FAM13B: variants seen among roughly 807,000 people sequenced by gnomAD.
FAM13B encodes the protein family with sequence similarity 13 member B.
A neutral mutation model predicts 117.3 loss-of-function variants in FAM13B; 60 were observed. The ratio of observed to expected loss-of-function variants is 0.51; its 90% CI spans 0.42 to 0.63. The LOEUF is 0.63. Ranked by LOEUF, FAM13B falls within the 30% of genes least tolerant of loss-of-function variation. The probability of loss-of-function intolerance (pLI) is 0.00; values close to 1 mark genes in which losing one functional copy is unlikely to be tolerated. For synonymous variants in FAM13B, 332 were observed against 356.1 expected (o/e 0.93, Z 0.76); for missense variants, 972 against 1,091.9 (o/e 0.89, Z 1.55).
At chr5:137,959,943 C>CTTAT (rs1260862510) in intron 12 of FAM13B, among the ~76,000 whole-genome samples, 180 bp from the exon 13 acceptor site, 1 of 152,152 alleles carries the variant, frequency 6.6e-6, no homozygotes. Context: ...TAGAATATGT[C>CTTAT]TTATTGGAAG....
rs143136507 is a variant in FAM13B at position 137,977,707 on chromosome 5, A to G, written c.1179+7550T>C. 4.2e-3 allele frequency among the ~76,000 whole-genome samples: 644 copies of G among 152,214 alleles called. 15 individuals carry two copies. In the East Asian group the frequency reaches 0.052, roughly 12 times the overall value. ...TCTTTCCTTTTAATTTCAATGCAAA[A>G]CTTGTGCAAAAGGCATTCCACACAC... is the stretch of plus-strand genomic sequence containing the variant. On this transcript the variant is annotated intron_variant, in intron 10 of 23. Coordinates refer to ENST00000689681, the MANE Select transcript of FAM13B (RefSeq NM_001385994.1).
At chr5:138,034,995 C>CTTTTT (rs557807234), upstream of FAM13B, among the ~76,000 whole-genome samples, 237 of 34,372 alleles carry the variant, frequency 6.9e-3, 64 homozygotes, top group African/African-American at 0.024. Context: ...ATTCCCTTGC[C>CTTTTT]TTTTTTTTTT....
At chr5:137,969,537 C>CT (rs1771333358) in intron 10 of FAM13B, among the ~76,000 whole-genome samples, 1 of 152,186 alleles carries the variant, frequency 6.6e-6, no homozygotes, top group African/African-American at 2.4e-5. Context: ...ACTGGAAACT[C>CT]TAAAAAGCAG....
chr5:137,957,831 T>C (rs768443228), intron 13 of FAM13B, among the ~76,000 whole-genome samples: 1 of 152,122 alleles, frequency 6.6e-6, no homozygotes, highest in Non-Finnish European at 1.5e-5. Context: ...ACAGGTTACC[T>C]CCTTTATCTA....
chr5:137,949,731 C>T (rs758301897), intron 17 of FAM13B, among the ~76,000 whole-genome samples: 2 of 150,876 alleles, frequency 1.3e-5, no homozygotes, highest in African/African-American at 2.4e-5. Context: ...ATCCAGAAGG[C>T]GGAGGTTGCA....
intron 10 of FAM13B, among the ~76,000 whole-genome samples, chr5:137,975,819 G>GTT (rs796616691): frequency 1.4e-5 from 2 of 144,292 alleles, no homozygotes; most frequent in East Asian, 2.0e-4. Context: ...ACTACCCTGG[G>GTT]TTTTTTTTTT....
Position 138,018,331 on chromosome 5 carries a change from A to G in FAM13B, c.341T>C (p.Leu114Ser), listed in dbSNP as rs147001729. 50 of 1,614,010 alleles carry G rather than the reference A, an allele frequency of 3.1e-5. No individual in the cohort carries two copies. The Admixed American group carries it at 3.5e-4, about 11-fold the overall frequency. The change falls in exon 4 of 24, where the codon TTA becomes TCA. Residue 114 changes from leucine (L) to serine (S), a missense_variant. Coordinates refer to ENST00000689681, the MANE Select transcript of FAM13B (RefSeq NM_001385994.1). ...AGAAAGCTGCATCAAGTGAATATGT[A>G]AACTGCCAGGGATAACAGGTTCAGG... ...ELPEPVIPGSLHIHLMQLSQD... is the reference protein window; with the variant it reads ...ELPEPVIPGSSHIHLMQLSQD...
chr5:138,012,492 T>C (rs951624883), intron 4 of FAM13B, among the ~76,000 whole-genome samples: 5 of 152,216 alleles, frequency 3.3e-5, no homozygotes, highest in African/African-American at 9.6e-5. Context: ...TTCAGCAATA[T>C]CAGTATAACT....
chr5:137,944,434 G>A (rs1762831100), intron 20 of FAM13B, among the ~76,000 whole-genome samples: 1 of 152,142 alleles, frequency 6.6e-6, no homozygotes, highest in Non-Finnish European at 1.5e-5. Flanking sequence ...TAAAGAAAAT[G>A]TGGTACATAT....
At chr5:137,966,865 T>A (rs1187157211) in intron 10 of FAM13B, among the ~76,000 whole-genome samples, 1 of 152,142 alleles carries the variant, frequency 6.6e-6, no homozygotes, top group Non-Finnish European at 1.5e-5. Context: ...AAGGTGGCAT[T>A]TCATATTGGT....
At chr5:138,012,216 CTTTT>C (rs36054299) in intron 4 of FAM13B, among the ~76,000 whole-genome samples, 3 of 121,762 alleles carry the variant, frequency 2.5e-5, no homozygotes, top group East Asian at 2.6e-4. Flanking sequence ...CCCCAATTCT[CTTTT>C]TTTTTTTTTT....
chr5:138,019,755 C>G (rs1786190591), intron 2 of FAM13B: 1 of 151,776 alleles, frequency 6.6e-6, no homozygotes, highest in Admixed American at 6.6e-5. Context: ...TCTCGGCTCA[C>G]TGCAAGCTCT....
intron 7 of FAM13B, 58 bp from the exon 8 acceptor site, chr5:137,988,373 T>C (rs1777764975): frequency 7.1e-7 from 1 of 1,408,846 alleles, no homozygotes; most frequent in East Asian, 2.6e-5. Flanking sequence ...AACTACAAAA[T>C]GTGCTGAAAT....
intron 1 of FAM13B, 63 bp downstream of exon 1, chr5:138,032,719 G>C (rs1790482360): frequency 3.0e-6 from 3 of 985,770 alleles, no homozygotes; most frequent in Non-Finnish European, 3.6e-6. Flanking sequence ...AACAGGAGGG[G>C]AAGGGCCGCG....
chr5:138,022,016 A>G (rs1037278986), intron 1 of FAM13B, among the ~76,000 whole-genome samples: 2 of 151,462 alleles, frequency 1.3e-5, no homozygotes, highest in African/African-American at 2.4e-5. Context: ...TGGAAGGCTG[A>G]GGCAGGAGGA....
At chr5:138,047,106 G>A (rs1189176278) in intron 1 of FAM13B, among the ~76,000 whole-genome samples, 1 of 152,146 alleles carries the variant, frequency 6.6e-6, no homozygotes, top group Non-Finnish European at 1.5e-5. Flanking sequence ...GCTATCTGTA[G>A]AGAAGAAACA....
intron 7 of FAM13B, among the ~76,000 whole-genome samples, chr5:138,001,107 T>TA (rs1268687501): frequency 6.6e-6 from 1 of 152,162 alleles, no homozygotes; most frequent in Non-Finnish European, 1.5e-5. Context: ...ATAAGGGTAC[T>TA]AATGTTTGTG....
At chr5:138,035,225 T>C (rs1008446467), upstream of FAM13B, among the ~76,000 whole-genome samples, 2 of 151,560 alleles carry the variant, frequency 1.3e-5, no homozygotes, top group African/African-American at 4.8e-5. Context: ...TGCCCAGGCC[T>C]CTCTTGAACT....
intron 1 of FAM13B, among the ~76,000 whole-genome samples, chr5:138,029,164 A>C (rs1789243051): frequency 6.6e-6 from 1 of 152,198 alleles, no homozygotes; most frequent in South Asian, 2.1e-4. Context: ...CATCCGGTGA[A>C]ATAAGGAGAA....
Sources: gnomAD v4.1 joint callset for allele counts (sites outside exome capture counted in the v4.1 genomes callset) on GRCh38, gnomAD v4.1.1 for gene constraint, MANE v1.5 for transcripts, NCBI Gene and HGNC (gene_info 2026-07-23, HGNC 2026-07-21) for gene names.